EGFLAM: variants seen among roughly 807,000 people sequenced by gnomAD.
EGFLAM encodes EGF like, fibronectin type III and laminin G domains.
Under a neutral mutation model 113.1 loss-of-function variants are expected in EGFLAM, and 79 were observed. The observed-to-expected ratio is 0.70, with a 90% CI of 0.58 to 0.84. The LOEUF is 0.84. Ranked by LOEUF, EGFLAM falls within the 40% of genes least tolerant of loss-of-function variation. EGFLAM has a pLI of 0.00. For missense variants in EGFLAM, 1,265 were observed against 1,291.6 expected (o/e 0.98, Z 0.32); for synonymous variants, 504 against 487.6 (o/e 1.03, Z -0.44).
chr5:38,366,086 C>T (rs901700411), intron 5 of EGFLAM, among the ~76,000 whole-genome samples: 6 of 152,184 alleles, frequency 3.9e-5, no homozygotes, highest in Admixed American at 1.3e-4. Context: ...CTTTATTTGT[C>T]TGTCTCTTAT....
At chr5:38,343,211 C>G (rs905181861) in intron 3 of EGFLAM, among the ~76,000 whole-genome samples, 1 of 151,978 alleles carries the variant, frequency 6.6e-6, no homozygotes, top group African/African-American at 2.4e-5. Flanking sequence ...CGAGACCAGC[C>G]TGGCCAACAT....
chr5:38,280,286 T>G (rs1390343995), intron 1 of EGFLAM, among the ~76,000 whole-genome samples: 2 of 152,228 alleles, frequency 1.3e-5, no homozygotes, highest in Non-Finnish European at 2.9e-5. Context: ...TGCCGTGCAC[T>G]CACGTACTGG....
intron 3 of EGFLAM, among the ~76,000 whole-genome samples, chr5:38,346,028 T>C (rs188204702): frequency 1.3e-5 from 2 of 152,240 alleles, no homozygotes; most frequent in East Asian, 3.9e-4. Flanking sequence ...TTTTTACCAT[T>C]ATGCCACTTT....
chr5:38,387,094 T>C (rs998890406), intron 6 of EGFLAM, among the ~76,000 whole-genome samples: 1 of 152,088 alleles, frequency 6.6e-6, no homozygotes, highest in Non-Finnish European at 1.5e-5. Flanking sequence ...AACAAGAGAA[T>C]TGGGCAGAAG....
intron 5 of EGFLAM, among the ~76,000 whole-genome samples, chr5:38,360,703 G>C (rs1031363507): frequency 6.6e-6 from 1 of 152,086 alleles, no homozygotes; most frequent in Non-Finnish European, 1.5e-5. Context: ...CTAGAACAGC[G>C]CCTAGCCCTT....
intron 1 of EGFLAM, among the ~76,000 whole-genome samples, chr5:38,273,374 T>C (rs549364873): frequency 1.3e-5 from 2 of 152,322 alleles, no homozygotes; most frequent in Non-Finnish European, 1.5e-5. Context: ...TGGACTCAAG[T>C]TCTGGCCTGC....
rs1273305698 is a variant in EGFLAM at position 38,445,765 on chromosome 5, A to G, written c.2465-2536A>G. ...CTCTGGGCTGGGGCAGGCCAACCGCATGCAGGGGGACCCGGGGTGAGTGGT... is the reference window on the plus strand; with the variant it reads ...CTCTGGGCTGGGGCAGGCCAACCGCGTGCAGGGGGACCCGGGGTGAGTGGT... On this transcript the variant is annotated intron_variant, in intron 17 of 21. Transcript: ENST00000322350. The G allele has an allele frequency of 9.7e-6, 15 of 1,541,868 alleles. No individual in the cohort carries two copies. In the Admixed American group the frequency reaches 1.5e-4, roughly 15 times the overall value.
intron 18 of EGFLAM, 101 bp from the exon 19 acceptor site, chr5:38,451,214 T>C (rs1488532010): frequency 6.7e-7 from 1 of 1,493,386 alleles, no homozygotes; most frequent in East Asian, 2.3e-5. Context: ...TGCCAGACTA[T>C]CCTTACATCT....
At chr5:38,358,439 T>C (rs1579816736) in intron 5 of EGFLAM, among the ~76,000 whole-genome samples, 1 of 80,304 alleles carries the variant, frequency 1.2e-5, no homozygotes, top group Admixed American at 2.1e-4. Flanking sequence ...AGAGCAAGAC[T>C]CCGTCTCAAA....
At chr5:38,438,477 A>T (rs772516093) in intron 17 of EGFLAM, 22 bp downstream of exon 17, 1 of 1,573,400 alleles carries the variant, frequency 6.4e-7, no homozygotes, top group Non-Finnish European at 8.6e-7. Flanking sequence ...GGTCTGAGGC[A>T]CAGCTCCCTG....
chr5:38,327,930 C>T (rs761004084), intron 1 of EGFLAM, among the ~76,000 whole-genome samples: 1 of 152,178 alleles, frequency 6.6e-6, no homozygotes, highest in Non-Finnish European at 1.5e-5. Flanking sequence ...GGTGATACAC[C>T]ATACTTGGCC....
intron 1 of EGFLAM, among the ~76,000 whole-genome samples, chr5:38,320,634 G>A (rs1378486870): frequency 6.6e-6 from 1 of 152,120 alleles, no homozygotes; most frequent in Admixed American, 6.6e-5. Flanking sequence ...GTGTGTGTGT[G>A]TATATGTGTG....
In EGFLAM at chr5:38,272,341, A is replaced by T. The variant is rs570390564; in HGVS notation, c.97+13490A>T. On this transcript the variant is annotated intron_variant, in intron 1 of 21. Coordinates refer to ENST00000322350, the MANE Select transcript of EGFLAM (RefSeq NM_152403.4). The stretch of plus-strand genomic sequence containing the variant: ...GTAGTAGGTGGGGAGGGGTTAAAAT[A>T]GTCCAGTGTCCAACAATCCTCCTTC... Among the ~76,000 whole-genome samples, 23 of 152,336 alleles carry T rather than the reference A, an allele frequency of 1.5e-4. 1 individual carries two copies. In the South Asian group the frequency reaches 4.8e-3, roughly 32 times the overall value.
At chr5:38,395,105 C>T (rs1371075019) in intron 6 of EGFLAM, among the ~76,000 whole-genome samples, 1 of 151,856 alleles carries the variant, frequency 6.6e-6, no homozygotes, top group East Asian at 2.0e-4. Flanking sequence ...CATGCCCAGC[C>T]AATTTTGTAT....
rs749951083 is a variant in EGFLAM, at chr5:38,409,060, G to A, written c.1305G>A (p.Gly435=). The A allele has an allele frequency of 1.1e-4, 182 of 1,594,754 alleles. No individual in the cohort carries two copies. Among genetic ancestry groups the A allele is most frequent in the Non-Finnish European group, 1.5e-4 (178 of 1,169,564 alleles). Residue 435 remains glycine, a synonymous_variant, in exon 10 of 22, where the codon GGG becomes GGA. Coordinates refer to ENST00000322350, the MANE Select transcript of EGFLAM (RefSeq NM_152403.4). ...LYCGENEHGR[G]DFMSLAIIRR... is the part of the protein sequence containing the mutation. The stretch of plus-strand genomic sequence containing the variant: ...GTGGGGAGAACGAACACGGGAGGGG[G>A]GATTTCATGTCCCTGGCTATCATCC...
chr5:38,338,780 C>T lies in EGFLAM; in HGVS notation c.290C>T (p.Thr97Met), dbSNP rs141310046. The T allele has an allele frequency of 1.2e-4, 200 of 1,613,946 alleles. No homozygotes were observed. In the African/African-American group the frequency reaches 2.0e-3, roughly 16 times the overall value. ...CCTCTCAGCCGGGACATCCCGACCA[C>T]GGTGAGTCTTTCCATCCTGGCAGCC... ...SVPLSRDIPT[T>M]EEVIGDLKPG... The change falls in exon 3 of 22, where the codon ACG becomes ATG. Residue 97 changes from threonine (T) to methionine (M), a missense_variant and splice_region_variant. Transcript: ENST00000322350.
chr5:38,440,490 C>T (rs940896714), intron 17 of EGFLAM, among the ~76,000 whole-genome samples: 3 of 152,020 alleles, frequency 2.0e-5, no homozygotes, highest in East Asian at 1.9e-4. Context: ...ACATTTAGTC[C>T]CATTGTAAAG....
chr5:38,329,290 AAG>A (rs1490939600), intron 1 of EGFLAM, among the ~76,000 whole-genome samples: 4 of 108,928 alleles, frequency 3.7e-5, no homozygotes, highest in Non-Finnish European at 5.6e-5. Context: ...CCCTATCTCA[AAG>A]ATAAATAAAT....
Position 38,463,983 on chromosome 5 carries a change from G to A in EGFLAM, c.3027G>A (p.Lys1009=), listed in dbSNP as rs747596096. ...DGKNINTCGA[K] The stretch of plus-strand genomic sequence containing the variant: ...AAAACATCAACACTTGTGGAGCCAA[G>A]TAACACCAGCTGGCCTTGTCCAAGG... The change falls in exon 22 of 22, where the codon AAG becomes AAA. Residue 1009 remains lysine, a synonymous_variant. Transcript: ENST00000322350. 1.9e-6 allele frequency: 3 copies of A among 1,614,134 alleles called. No homozygotes were observed. The highest frequency in any genetic ancestry group is 1.3e-5 in the African/African-American group (1 of 74,956).
Sources: allele counts gnomAD v4.1 joint callset (sites outside exome capture counted in the v4.1 genomes callset), GRCh38; gene constraint gnomAD v4.1.1; transcripts MANE v1.5; gene names NCBI Gene and HGNC (gene_info 2026-07-23, HGNC 2026-07-21).